BSND: variants seen among roughly 807,000 people sequenced by gnomAD.
BSND encodes the protein barttin.
A neutral mutation model predicts 18.8 loss-of-function variants in BSND; 13 were observed. The observed-to-expected ratio is 0.69, with a 90% CI of 0.45 to 1.10. BSND has a LOEUF of 1.10. Among genes scored for constraint, BSND ranks in the 50% least tolerant of loss-of-function variants. The pLI is 0.00. For missense variants in BSND, 379 were observed against 416.7 expected (o/e 0.91, Z 0.79); for synonymous variants, 170 against 161.8 (o/e 1.05, Z -0.39).
intron 1 of BSND, among the ~76,000 whole-genome samples, chr1:54,999,699 C>T (rs1045571462): frequency 2.0e-5 from 3 of 152,226 alleles, no homozygotes; most frequent in Admixed American, 6.5e-5. Context: ...GGCACTCCTG[C>T]GTTCAGGGTG....
rs529780817 is a variant in BSND, at chr1:55,007,184, G to A, written c.460G>A (p.Val154Ile). The stretch of plus-strand genomic sequence containing the variant: ...TGGAGGAGAAGGTGGCCCTGGCGAC[G>A]TTCAGGCCTGGATGGAGGCTGCCGT... ...SDGGEGGPGD[V>I]QAWMEAAVVI... The change falls in exon 3 of 4, where the codon GTT becomes ATT. Residue 154 changes from valine to isoleucine, a missense_variant. Coordinates refer to ENST00000651561, the MANE Select transcript of BSND (RefSeq NM_057176.3). The A allele has an allele frequency of 1.6e-5, 26 of 1,614,206 alleles. No individual in the cohort carries two copies. In the Admixed American group the frequency reaches 1.7e-4, roughly 10 times the overall value.
chr1:55,015,430 G>A lies in BSND; in HGVS notation c.*6802G>A, dbSNP rs1324013104. Among the ~76,000 whole-genome samples the A allele has an allele frequency of 6.6e-6, 1 of 152,170 alleles. No homozygotes were observed. The highest frequency in any genetic ancestry group is 1.5e-5 in the Non-Finnish European group (1 of 68,036). ...TCAGTTCACAGATGACCCAGGACAA[G>A]GGCAAATGAGGGCCCCAGTGACTCA... On this transcript the variant is annotated 3_prime_UTR_variant, in exon 4 of 4. Coordinates refer to ENST00000651561, the MANE Select transcript of BSND (RefSeq NM_057176.3).
At position 55,016,303 on chromosome 1, in the gene BSND, T is replaced by TTGTGGG. The variant is rs1410431346; in HGVS notation, c.*7675_*7676insTGTGGG. ...AGAAAGGGAATTCATCCACTGGAAA[T>TTGTGGG]ATCTGTGATCCCACAAAAGAAACAA... On this transcript the variant is annotated 3_prime_UTR_variant, in exon 4 of 4. Coordinates refer to ENST00000651561, the MANE Select transcript of BSND (RefSeq NM_057176.3). Among the ~76,000 whole-genome samples the TTGTGGG allele has an allele frequency of 6.6e-6, 1 of 152,134 alleles. No homozygotes were observed. Among genetic ancestry groups the TTGTGGG allele is most frequent in the Non-Finnish European group, 1.5e-5 (1 of 68,018 alleles).
intron 1 of BSND, among the ~76,000 whole-genome samples, chr1:55,003,148 G>A (rs1177867489): frequency 6.6e-6 from 1 of 151,232 alleles, no homozygotes; most frequent in Non-Finnish European, 1.5e-5. Context: ...AGGAAGTACA[G>A]TACTAGCTGG....
intron 1 of BSND, among the ~76,000 whole-genome samples, chr1:55,003,179 C>T (rs984557713): frequency 6.6e-6 from 1 of 150,978 alleles, no homozygotes; most frequent in Non-Finnish European, 1.5e-5. Context: ...GCATCCTTAA[C>T]GGGGGTGGAA....
intron 1 of BSND, among the ~76,000 whole-genome samples, chr1:55,000,969 G>A (rs1483757508): frequency 1.3e-5 from 2 of 152,122 alleles, no homozygotes; most frequent in Non-Finnish European, 2.9e-5. Flanking sequence ...AGAGGGGAGG[G>A]GAGGGGAGGA....
chr1:55,015,313 C>T lies in BSND; in HGVS notation c.*6685C>T, dbSNP rs1048376886. Among the ~76,000 whole-genome samples, 1 of 152,332 alleles carries T rather than the reference C, an allele frequency of 6.6e-6. No individual in the cohort carries two copies. Among genetic ancestry groups the T allele is most frequent in the Non-Finnish European group, 1.5e-5 (1 of 68,032 alleles). ...AGCCGGTGTCCTGGATTCCTCCTTG[C>T]TGACCACAAATCCAGCAGAGCAGGG... is the stretch of plus-strand genomic sequence containing the variant. On this transcript the variant is annotated 3_prime_UTR_variant, in exon 4 of 4. Coordinates refer to ENST00000651561, the MANE Select transcript of BSND (RefSeq NM_057176.3).
intron 1 of BSND, among the ~76,000 whole-genome samples, chr1:55,000,901 C>T (rs1644358372): frequency 1.3e-5 from 2 of 152,120 alleles, no homozygotes; most frequent in Non-Finnish European, 1.5e-5. Context: ...TCCTTCCTGC[C>T]CCCGCTCTTA....
chr1:55,016,392 C>T lies in BSND; in HGVS notation c.*7764C>T, dbSNP rs989410970. Among the ~76,000 whole-genome samples, 5 of 152,194 alleles carry T rather than the reference C, an allele frequency of 3.3e-5. No homozygotes were observed. Among genetic ancestry groups the T allele is most frequent in the Non-Finnish European group, 7.3e-5 (5 of 68,040 alleles). ...ACAAGAAGCTATGTTTCACCCATAA[C>T]ACTGGCATCATTTTGTAAAGATGAT... On this transcript the variant is annotated 3_prime_UTR_variant, in exon 4 of 4. Transcript: ENST00000651561.
rs1422420581 is a variant in BSND at position 55,010,454 on chromosome 1, T to A, written c.*1826T>A. The A allele has an allele frequency of 6.6e-6, 1 of 152,246 alleles. No individual in the cohort carries two copies. The highest frequency in any genetic ancestry group is 1.5e-5 in the Non-Finnish European group (1 of 68,140). The allele number at this position is 152,246 out of a possible 1,614,324, so 9.4% of individuals were successfully genotyped here. Reference sequence around the variant, plus strand: ...CAGAGAAAATGGCAGTAACACTACCTCAAACCAGGACCACGCCCTCAGAGC... The same window carrying A: ...CAGAGAAAATGGCAGTAACACTACCACAAACCAGGACCACGCCCTCAGAGC... On this transcript the variant is annotated 3_prime_UTR_variant, in exon 4 of 4. Transcript: ENST00000651561.
At position 55,008,132 on chromosome 1, in the gene BSND, G is replaced by A. The variant is rs1570274282; in HGVS notation, c.549-82G>A. 54 of 1,209,970 alleles carry A rather than the reference G, an allele frequency of 4.5e-5. No homozygotes were observed. The East Asian group carries it at 1.3e-3, about 29-fold the overall frequency. 75.0% of individuals were successfully genotyped at this position (1,209,970 alleles called of 1,614,324 possible). A position where few individuals can be genotyped will look rare whatever the true frequency, so the allele number is the denominator to read the frequency against. ...GGGAAGGTGGATTATCCTACCCTAG[G>A]TCTTGCAGCTAGCGGCTGGAATGTG... On this transcript the variant is annotated intron_variant, in intron 3 of 3. Transcript: ENST00000651561.
rs1644426924 is a variant in BSND, at chr1:55,012,418, C to T, written c.*3790C>T. ...CAGAATCAGAAAGACCTGGTTTTAC[C>T]TTCAGCCTCAGCCAGTTCCTTGCTG... is the stretch of plus-strand genomic sequence containing the variant. On this transcript the variant is annotated 3_prime_UTR_variant, in exon 4 of 4. Coordinates refer to ENST00000651561, the MANE Select transcript of BSND (RefSeq NM_057176.3). Among the ~76,000 whole-genome samples the T allele has an allele frequency of 6.6e-6, 1 of 152,066 alleles. No individual in the cohort carries two copies. Among genetic ancestry groups the T allele is most frequent in the Non-Finnish European group, 1.5e-5 (1 of 67,986 alleles).
Position 55,016,232 on chromosome 1 carries a change from T to A in BSND, c.*7604T>A, listed in dbSNP as rs1644450741. ...TTCCTAACGGAGAGAGAGAGACAGA[T>A]GGAGAGAGAGAGACAGAGAGAGAGA... On this transcript the variant is annotated 3_prime_UTR_variant, in exon 4 of 4. Transcript: ENST00000651561. Among the ~76,000 whole-genome samples, 1 of 151,186 alleles carries A rather than the reference T, an allele frequency of 6.6e-6. No homozygotes were observed. Among genetic ancestry groups the A allele is most frequent in the African/African-American group, 2.4e-5 (1 of 41,040 alleles).
intron 1 of BSND, among the ~76,000 whole-genome samples, chr1:55,000,952 T>G (rs1381577749): frequency 1.3e-5 from 2 of 151,396 alleles, no homozygotes; most frequent in Admixed American, 1.3e-4. Context: ...CTGATGGGAG[T>G]GACGGTAGAG....
Position 55,016,180 on chromosome 1 carries a change from T to A in BSND, c.*7552T>A, listed in dbSNP as rs989176203. On this transcript the variant is annotated 3_prime_UTR_variant, in exon 4 of 4. Transcript: ENST00000651561. ...TGCTGAGAGCTGCCCAAAGAATGGG[T>A]AGGAACATGTCTGAAAGAGGTTACA... Among the ~76,000 whole-genome samples the A allele has an allele frequency of 1.3e-5, 2 of 151,848 alleles. No homozygotes were observed. Among genetic ancestry groups the A allele is most frequent in the African/African-American group, 4.8e-5 (2 of 41,284 alleles).
intron 1 of BSND, among the ~76,000 whole-genome samples, chr1:55,000,757 T>C (rs974919728): frequency 2.0e-5 from 3 of 152,240 alleles, no homozygotes; most frequent in African/African-American, 7.2e-5. Flanking sequence ...TGCAATTCCT[T>C]GAGCAGAGGT....
chr1:54,999,433 G>A, intron 1 of BSND, 70 bp downstream of exon 1: 2 of 1,484,766 alleles, frequency 1.3e-6, no homozygotes, highest in African/African-American at 2.8e-5. Context: ...GTGCCTGTAT[G>A]CCATGCCTCA....
chr1:55,008,428 G>C lies in BSND; in HGVS notation c.763G>C (p.Glu255Gln), dbSNP rs148609746. Residue 255 changes from glutamate to glutamine, a missense_variant, in exon 4 of 4, where the codon GAG becomes CAG. Glu to Gln is a conservative substitution (Grantham distance 29, BLOSUM62 2). Transcript: ENST00000651561. Reference sequence around the variant, plus strand: ...CCCAACGTTGGAGGATGAGCCCCAAGAGGGGCAGCAGTGGGAAATAGCCCT... The same window carrying C: ...CCCAACGTTGGAGGATGAGCCCCAACAGGGGCAGCAGTGGGAAATAGCCCT... ...DAPTLEDEPQ[E>Q]GQQWEIALPN... 1.5e-5 allele frequency: 24 copies of C among 1,614,102 alleles called. No individual in the cohort carries two copies. In the African/African-American group the frequency reaches 2.7e-4, roughly 18 times the overall value.
chr1:55,008,834 C>A lies in BSND; in HGVS notation c.*206C>A. On this transcript the variant is annotated 3_prime_UTR_variant, in exon 4 of 4. Transcript: ENST00000651561. The stretch of plus-strand genomic sequence containing the variant: ...TTTCCAATAGTTAGTGGTCTTTGGC[C>A]AACCTTTGAAGGCAAAATATGATTT... 3 of 773,874 alleles carry A rather than the reference C, an allele frequency of 3.9e-6. No individual in the cohort carries two copies. Among genetic ancestry groups the A allele is most frequent in the Non-Finnish European group, 6.1e-6 (3 of 488,060 alleles). 47.9% of individuals were successfully genotyped at this position (773,874 alleles called of 1,614,324 possible).
Sources: gnomAD v4.1 joint callset for allele counts (sites outside exome capture counted in the v4.1 genomes callset) on GRCh38, gnomAD v4.1.1 for gene constraint, MANE v1.5 for transcripts, NCBI Gene and HGNC (gene_info 2026-07-23, HGNC 2026-07-21) for gene names.